ZNF430: variants seen among roughly 807,000 people sequenced by gnomAD.
ZNF430 encodes the protein zinc finger protein 430.
A neutral mutation model predicts 56.7 loss-of-function variants in ZNF430; 35 were observed. The ratio of observed to expected loss-of-function variants is 0.62; its 90% CI spans 0.47 to 0.82. ZNF430 has a LOEUF of 0.82. Ranked by LOEUF, ZNF430 falls within the 40% of genes least tolerant of loss-of-function variation. ZNF430 has a pLI of 0.00. For missense variants in ZNF430, 574 were observed against 661.0 expected (o/e 0.87, Z 1.44); for synonymous variants, 212 against 224.3 (o/e 0.94, Z 0.49).
At chr19:21,051,293 GA>G (rs1312821422) in intron 4 of ZNF430, among the ~76,000 whole-genome samples, 2 of 151,862 alleles carry the variant, frequency 1.3e-5, no homozygotes, top group Non-Finnish European at 2.9e-5. Context: ...ATAATTGTTA[GA>G]ATATTTTTGG....
intron 4 of ZNF430, among the ~76,000 whole-genome samples, chr19:21,054,704 C>G (rs1968341977): frequency 1.8e-5 from 2 of 108,930 alleles, no homozygotes; most frequent in Non-Finnish European, 3.3e-5. Flanking sequence ...GAGACGGAGT[C>G]TCGCTCTGTC....
intron 1 of ZNF430, among the ~76,000 whole-genome samples, chr19:21,021,028 G>T (rs1974288310): frequency 6.6e-6 from 1 of 152,210 alleles, no homozygotes; most frequent in Non-Finnish European, 1.5e-5. Context: ...CTGTGCCCTG[G>T]CCTGGAGCCC....
intron 4 of ZNF430, chr19:21,035,582 A>C (rs1967984465): frequency 4.6e-6 from 1 of 215,174 alleles, no homozygotes; most frequent in African/African-American, 2.3e-5. Context: ...CAATGGGCAC[A>C]ATGTAGTTTT....
intron 2 of ZNF430, among the ~76,000 whole-genome samples, chr19:21,033,167 C>CAACATGGAGA (rs1453830779): frequency 1.3e-5 from 2 of 152,018 alleles, no homozygotes; most frequent in Non-Finnish European, 2.9e-5. Context: ...CCAGCCTGAC[C>CAACATGGAGA]AACATGGAGA....
Position 21,057,196 on chromosome 19 carries a change from A to C in ZNF430, c.888A>C (p.Lys296Asn). 2.5e-6 allele frequency: 4 copies of C among 1,613,890 alleles called. No homozygotes were observed. The South Asian group carries it at 4.4e-5, about 18-fold the overall frequency. The change falls in exon 5 of 5, where the codon AAA (lysine) becomes AAC (asparagine). Residue 296 changes from lysine to asparagine, a missense_variant. This residue lies in a region of ZNF430 where 346 missense variants were observed against 399.1 expected (regional missense o/e 0.87). Transcript: ENST00000261560. ...EKPYRCEECG[K>N]TFNRSSHLTT... Reference sequence around the variant, plus strand: ...CCTACAGATGTGAAGAATGTGGCAAAACCTTTAACCGGTCCTCACACCTTA... The same window carrying C: ...CCTACAGATGTGAAGAATGTGGCAACACCTTTAACCGGTCCTCACACCTTA...
At chr19:21,022,293 C>G (rs1967706992) in intron 1 of ZNF430, among the ~76,000 whole-genome samples, 1 of 152,130 alleles carries the variant, frequency 6.6e-6, no homozygotes, top group Non-Finnish European at 1.5e-5. Flanking sequence ...CCCCCGTCCC[C>G]CATTTCTCCA....
At chr19:21,054,110 A>T (rs1284324405) in intron 4 of ZNF430, among the ~76,000 whole-genome samples, 4 of 152,082 alleles carry the variant, frequency 2.6e-5, no homozygotes, top group Non-Finnish European at 1.5e-5. Flanking sequence ...TAACTAACAG[A>T]TGTTTATAAT....
intron 4 of ZNF430, among the ~76,000 whole-genome samples, chr19:21,052,502 G>A (rs1321801809): frequency 1.3e-5 from 2 of 151,980 alleles, no homozygotes; most frequent in Non-Finnish European, 2.9e-5. Context: ...CTTAATGTAA[G>A]ATACAAACAC....
At chr19:21,038,395 A>G (rs533077936) in intron 4 of ZNF430, among the ~76,000 whole-genome samples, 2 of 152,008 alleles carry the variant, frequency 1.3e-5, no homozygotes, top group East Asian at 3.9e-4. Context: ...CTTTGTGTCA[A>G]TATTACACTG....
At chr19:21,038,672 C>T (rs1337354231) in intron 4 of ZNF430, among the ~76,000 whole-genome samples, 2 of 151,888 alleles carry the variant, frequency 1.3e-5, no homozygotes, top group Non-Finnish European at 2.9e-5. Context: ...CAGGTGATCC[C>T]CCACCCTGGC....
At position 21,057,254 on chromosome 19, in the gene ZNF430, C is replaced by G; in HGVS notation, c.946C>G (p.Pro316Ala). 3 of 1,613,170 alleles carry G rather than the reference C, an allele frequency of 1.9e-6. No individual in the cohort carries two copies. Among genetic ancestry groups the G allele is most frequent in the Non-Finnish European group, 2.5e-6 (3 of 1,179,848 alleles). The change falls in exon 5 of 5, where the codon CCC (proline) becomes GCC (alanine). Residue 316 changes from proline (P) to alanine (A), a missense_variant. Physicochemically the swap from Pro to Ala is conservative, Grantham distance 27. Coordinates refer to ENST00000261560, the MANE Select transcript of ZNF430 (RefSeq NM_025189.4). ...THKRIHTGEK[P>A]YRCEECGRAF... Reference sequence around the variant, plus strand: ...TAAAAGAATTCATACTGGAGAGAAACCCTACAGATGTGAAGAATGTGGCAG... The same window carrying G: ...TAAAAGAATTCATACTGGAGAGAAAGCCTACAGATGTGAAGAATGTGGCAG...
chr19:21,033,183 C>T (rs1321336581), intron 2 of ZNF430, among the ~76,000 whole-genome samples: 1 of 151,916 alleles, frequency 6.6e-6, no homozygotes, highest in East Asian at 1.9e-4. Context: ...GGAGAAACCC[C>T]GTCTCTACTA....
At position 21,058,362 on chromosome 19, in the gene ZNF430, T is replaced by G; in HGVS notation, c.*341T>G. ...GGGAGGCTGAGGCAGGAGAATTGCT[T>G]GAACCCGGGAGGCAGAGGTTGAAGT... On this transcript the variant is annotated 3_prime_UTR_variant, in exon 5 of 5. Transcript: ENST00000261560. 5.0e-6 allele frequency: 1 copy of G among 201,412 alleles called. No individual in the cohort carries two copies. 12.5% of individuals were successfully genotyped at this position (201,412 alleles called of 1,614,324 possible). A position where few individuals can be genotyped will look rare whatever the true frequency, so the allele number is the denominator to read the frequency against.
At chr19:21,026,152 A>T (rs1967790034) in intron 2 of ZNF430, 1 of 180,114 alleles carries the variant, frequency 5.6e-6, no homozygotes, top group Non-Finnish European at 1.1e-5. Context: ...TGCTGGGATT[A>T]CAGGCATGAG....
At chr19:21,038,824 A>T (rs373863026) in intron 4 of ZNF430, among the ~76,000 whole-genome samples, 5 of 152,282 alleles carry the variant, frequency 3.3e-5, no homozygotes, top group African/African-American at 1.2e-4. Flanking sequence ...TTTAAACAAT[A>T]TTTGTGTAAT....
intron 2 of ZNF430, chr19:21,025,922 A>G: frequency 2.3e-6 from 1 of 427,532 alleles, no homozygotes; most frequent in South Asian, 2.0e-5. Context: ...TTCTTAATAC[A>G]GACTGAAGTT....
At chr19:21,052,920 C>T (rs1246559116) in intron 4 of ZNF430, among the ~76,000 whole-genome samples, 1 of 152,134 alleles carries the variant, frequency 6.6e-6, no homozygotes, top group Non-Finnish European at 1.5e-5. Context: ...TTTCAACAAA[C>T]AATTATCTCT....
intron 4 of ZNF430, among the ~76,000 whole-genome samples, chr19:21,055,211 A>G (rs1211913913): frequency 6.6e-6 from 1 of 151,992 alleles, no homozygotes; most frequent in East Asian, 1.9e-4. Context: ...TGATAAAACC[A>G]TATTGCCTTA....
chr19:21,043,590 T>A (rs1405764029), intron 4 of ZNF430, among the ~76,000 whole-genome samples: 1 of 152,232 alleles, frequency 6.6e-6, no homozygotes, highest in Non-Finnish European at 1.5e-5. Flanking sequence ...TAGAATTTTC[T>A]TGGCTATATG....
Sources: gnomAD v4.1 joint callset for allele counts (sites outside exome capture counted in the v4.1 genomes callset) on GRCh38, gnomAD v4.1.1 for gene constraint, gnomAD v4.1.1 regional missense constraint, MANE v1.5 for transcripts, NCBI Gene and HGNC (gene_info 2026-07-23, HGNC 2026-07-21) for gene names.